Variants in ULBP2 observed in about 807,000 individuals in gnomAD.
The protein encoded by ULBP2 is UL16 binding protein 2.
A neutral mutation model predicts 23.6 loss-of-function variants in ULBP2; 21 were observed. The ratio of observed to expected loss-of-function variants is 0.89; its 90% confidence interval spans 0.63 to 1.28. The LOEUF is 1.28. Among genes scored for constraint, ULBP2 ranks in the 50% most tolerant of loss-of-function variants. The pLI, the probability that ULBP2 is intolerant of heterozygous loss-of-function variation, is 0.00. For synonymous variants in ULBP2, 82 were observed against 112.8 expected (o/e 0.73, Z 1.73); for missense variants, 251 against 306.0 (o/e 0.82, Z 1.34).
intron 2 of ULBP2, among the ~76,000 whole-genome samples, 178 bp from the exon 3 acceptor site, chr6:149,946,194 G>T (rs535058249): frequency 1.5e-5 from 2 of 136,862 alleles, no homozygotes; most frequent in South Asian, 4.9e-4. Context: ...GTGACAGAGC[G>T]AGACCCTTTC....
In ULBP2 at chr6:149,942,133, G is replaced by T. The variant is rs760590266; in HGVS notation, c.61G>T (p.Gly21Cys). The T allele has an allele frequency of 6.2e-7, 1 of 1,611,122 alleles. No individual in the cohort carries two copies. The highest frequency in any genetic ancestry group is 1.1e-5 in the South Asian group (1 of 90,752). ...LCLPLLLLLS[G>C]WSRAGRADPH... ...CCTCCCGCTTCTGCTCCTGCTGTCC[G>T]GCTGGTCCCGGGCTGGGCGAGCCGG... The change falls in exon 1 of 5, where the codon GGC becomes TGC. Residue 21 changes from glycine (G) to cysteine (C), a missense_variant. Transcript: ENST00000367351.
intron 3 of ULBP2, 92 bp downstream of exon 3, chr6:149,946,745 G>A (rs1188544788): frequency 3.2e-6 from 5 of 1,569,736 alleles, no homozygotes; most frequent in African/African-American, 1.4e-5. Context: ...AATCATCCCA[G>A]TATACACATT....
Position 149,947,396 on chromosome 6 carries a change from C to G in ULBP2, c.708C>G (p.Ile236Met), listed in dbSNP as rs1778959527. 1 of 1,411,364 alleles carries G rather than the reference C, an allele frequency of 7.1e-7. No homozygotes were observed. The highest frequency in any genetic ancestry group is 9.8e-7 in the Non-Finnish European group (1 of 1,019,152). 87.4% of individuals were successfully genotyped at this position (1,411,364 alleles called of 1,614,324 possible). Residue 236 changes from isoleucine to methionine, a missense_variant, in exon 4 of 5, where the codon ATC (isoleucine) becomes ATG (methionine). By Grantham distance (10) the Ile-to-Met change is conservative. Around this residue, in one of 2 missense-constraint regions of ULBP2, gnomAD observed 3 missense variants for 47.0 expected, o/e 0.06. Transcript: ENST00000367351. ...CCCTCATCCTTTGCTGCCTCCTCAT[C>G]ATCCTCCCCTGCTTCATCCTCCCTG... is the stretch of plus-strand genomic sequence containing the variant. The part of the protein sequence containing the change: ...ATTLILCCLL[I>M]ILPCFILPGI
intron 3 of ULBP2, among the ~76,000 whole-genome samples, 165 bp from the exon 4 acceptor site, chr6:149,947,155 G>C (rs184279784): frequency 6.6e-6 from 1 of 151,868 alleles, no homozygotes; most frequent in African/African-American, 2.4e-5. Context: ...GACTCACCCC[G>C]TCTCCCTTCC....
chr6:149,947,008 A>G (rs1778953278), intron 3 of ULBP2, among the ~76,000 whole-genome samples: 1 of 151,828 alleles, frequency 6.6e-6, no homozygotes. Flanking sequence ...AAATCCATCA[A>G]AACCACTTCC....
intron 4 of ULBP2, 74 bp downstream of exon 4, chr6:149,947,525 G>T: frequency 3.2e-6 from 2 of 633,342 alleles, no homozygotes; most frequent in Non-Finnish European, 5.4e-6. Flanking sequence ...GAGAATTCCC[G>T]GAGTCCCGCC....
At chr6:149,948,229 G>T (rs1778972956) in intron 4 of ULBP2, among the ~76,000 whole-genome samples, 1 of 152,136 alleles carries the variant, frequency 6.6e-6, no homozygotes, top group Non-Finnish European at 1.5e-5. Context: ...GCACCACTGG[G>T]CTGGACAAGG....
chr6:149,943,144 A>G (rs564672201), intron 1 of ULBP2, among the ~76,000 whole-genome samples: 1 of 152,158 alleles, frequency 6.6e-6, no homozygotes, highest in Non-Finnish European at 1.5e-5. Flanking sequence ...GTAGAGCAAC[A>G]GCAGGCAATG....
At chr6:149,945,648 A>G in intron 2 of ULBP2, 76 bp downstream of exon 2, 1 of 1,612,642 alleles carries the variant, frequency 6.2e-7, no homozygotes, top group South Asian at 1.1e-5. Context: ...TTTCATGTAA[A>G]AATACAAAAG....
At chr6:149,948,702 A>G in intron 4 of ULBP2, 21 bp from the exon 5 acceptor site, 1 of 456,708 alleles carries the variant, frequency 2.2e-6, no homozygotes, top group Non-Finnish European at 4.4e-6. Flanking sequence ...CCTTAAACCA[A>G]CATTTGTGTC....
At chr6:149,944,348 T>C (rs1778904927) in intron 1 of ULBP2, among the ~76,000 whole-genome samples, 1 of 151,634 alleles carries the variant, frequency 6.6e-6, no homozygotes, top group Non-Finnish European at 1.5e-5. Context: ...CATAACTTTG[T>C]ATAACTGAGG....
At chr6:149,942,737 C>T (rs575445653) in intron 1 of ULBP2, among the ~76,000 whole-genome samples, 3 of 152,258 alleles carry the variant, frequency 2.0e-5, no homozygotes, top group African/African-American at 4.8e-5. Context: ...ACCCAGGTCA[C>T]GTCCTCTTAC....
chr6:149,946,018 G>A (rs1268109382), intron 2 of ULBP2, among the ~76,000 whole-genome samples: 5 of 151,640 alleles, frequency 3.3e-5, no homozygotes, highest in African/African-American at 4.8e-5. Flanking sequence ...TGAGGCAGGC[G>A]GATCACGAGG....
At chr6:149,942,852 A>T (rs1778884014) in intron 1 of ULBP2, among the ~76,000 whole-genome samples, 1 of 152,066 alleles carries the variant, frequency 6.6e-6, no homozygotes, top group Non-Finnish European at 1.5e-5. Flanking sequence ...GCCTGAGGAC[A>T]CACCCCAGCA....
At position 149,945,580 on chromosome 6, in the gene ULBP2, T is replaced by G. The variant is rs749750382; in HGVS notation, c.349+8T>G. 9.9e-6 allele frequency: 16 copies of G among 1,614,004 alleles called. No individual in the cohort carries two copies. Among genetic ancestry groups the G allele is most frequent in the Non-Finnish European group, 1.4e-5 (16 of 1,179,880 alleles). ...AGAATTACACACCCAAGGGTAAGTT[T>G]CAGATGGCCCAGGACAGCAGGGAAC... On this transcript the variant is annotated splice_region_variant and intron_variant, in intron 2 of 4. Coordinates refer to ENST00000367351, the MANE Select transcript of ULBP2 (RefSeq NM_025217.4).
Position 149,945,548 on chromosome 6 carries a change from C to T in ULBP2, c.325C>T (p.Gln109Ter). The change falls in exon 2 of 5, where the codon CAG (glutamine) becomes TAG (stop). Residue 109 changes from glutamine (Q) to a stop codon, truncating the protein, a stop_gained. Coordinates refer to ENST00000367351, the MANE Select transcript of ULBP2 (RefSeq NM_025217.4). LOFTEE classifies it high-confidence loss of function. ...DILTEQLRDI[Q>*]LENYTPKEPL... ...ACTTACAGAGCAACTGCGTGACATT[C>T]AGCTGGAGAATTACACACCCAAGGG... 1 of 1,614,010 alleles carries T rather than the reference C, an allele frequency of 6.2e-7. No individual in the cohort carries two copies. The highest frequency in any genetic ancestry group is 2.2e-5 in the East Asian group (1 of 44,890).
intron 3 of ULBP2, among the ~76,000 whole-genome samples, chr6:149,946,915 G>C (rs1358430138): frequency 6.6e-6 from 1 of 152,092 alleles, no homozygotes; most frequent in African/African-American, 2.4e-5. Context: ...GAAACTGCAG[G>C]TGTCACTGTT....
At chr6:149,944,414 T>A (rs1778905773) in intron 1 of ULBP2, among the ~76,000 whole-genome samples, 1 of 149,056 alleles carries the variant, frequency 6.7e-6, no homozygotes, top group South Asian at 2.2e-4. Flanking sequence ...CCCTCCTTGC[T>A]CCTGACAGTT....
At chr6:149,943,745 A>T (rs1778897833) in intron 1 of ULBP2, among the ~76,000 whole-genome samples, 1 of 151,926 alleles carries the variant, frequency 6.6e-6, no homozygotes, top group Non-Finnish European at 1.5e-5. Flanking sequence ...GCAGTACTCT[A>T]CAGGAGCCAC....
Sources: gnomAD v4.1 joint callset for allele counts (sites outside exome capture counted in the v4.1 genomes callset) on GRCh38, gnomAD v4.1.1 for gene constraint, gnomAD v4.1.1 regional missense constraint, MANE v1.5 for transcripts, NCBI Gene and HGNC (gene_info 2026-07-23, HGNC 2026-07-21) for gene names.